The following ZFHX3 variants were observed in gnomAD, a reference collection of about 807,000 sequenced individuals.
ZFHX3 encodes zinc finger homeobox protein 3.
ZFHX3 carries 42 observed loss-of-function variants against 279.1 expected under a neutral mutation model. The observed-to-expected ratio is 0.15, with a 90% CI of 0.12 to 0.19. ZFHX3 has a LOEUF of 0.19. Among genes scored for constraint, ZFHX3 ranks in the 10% least tolerant of loss-of-function variants. The pLI is 1.00. For synonymous variants in ZFHX3, 2,293 were observed against 1,957.8 expected (o/e 1.17, Z -4.52); for missense variants, 4,981 against 4,754.0 (o/e 1.05, Z -1.40).
chr16:73,566,672 CA>C (rs2020454723), intron 2 of ZFHX3, among the ~76,000 whole-genome samples: 1 of 150,704 alleles, frequency 6.6e-6, no homozygotes, highest in Admixed American at 6.6e-5. Context: ...AGGTGCAGAC[CA>C]TCACACCAAG....
At chr16:73,080,496 C>T (rs1226802632) in intron 8 of ZFHX3, among the ~76,000 whole-genome samples, 1 of 152,144 alleles carries the variant, frequency 6.6e-6, no homozygotes, top group Non-Finnish European at 1.5e-5. Context: ...GATTCTTGGT[C>T]CACACCTCAA....
At chr16:73,561,828 A>T (rs1392033607) in intron 2 of ZFHX3, among the ~76,000 whole-genome samples, 1 of 152,110 alleles carries the variant, frequency 6.6e-6, no homozygotes, top group African/African-American at 2.4e-5. Context: ...CCGGGCCCTC[A>T]TAGTGTATTT....
intron 5 of ZFHX3, among the ~76,000 whole-genome samples, chr16:73,202,194 T>G (rs2011629618): frequency 6.6e-6 from 1 of 152,198 alleles, no homozygotes; most frequent in South Asian, 2.1e-4. Flanking sequence ...CTTGTTAGAA[T>G]TCATAAATGT....
chr16:73,521,755 G>A (rs2019612244), intron 2 of ZFHX3, among the ~76,000 whole-genome samples: 1 of 151,926 alleles, frequency 6.6e-6, no homozygotes, highest in East Asian at 1.9e-4. Context: ...TTATTAAAAT[G>A]AATTTTAGTA....
chr16:72,991,430 C>G (rs993635112), intron 1 of ZFHX3, among the ~76,000 whole-genome samples: 2 of 152,162 alleles, frequency 1.3e-5, no homozygotes, highest in Non-Finnish European at 2.9e-5. Flanking sequence ...GAGCTGGCAT[C>G]CCAGCGCAGA....
At chr16:73,078,131 T>G (rs1965906822) in intron 8 of ZFHX3, among the ~76,000 whole-genome samples, 1 of 152,114 alleles carries the variant, frequency 6.6e-6, no homozygotes, top group African/African-American at 2.4e-5. Flanking sequence ...ATAAACACAT[T>G]GAAAATCCAC....
At chr16:73,534,113 G>A (rs537732187) in intron 2 of ZFHX3, among the ~76,000 whole-genome samples, 40 of 152,136 alleles carry the variant, frequency 2.6e-4, no homozygotes, top group African/African-American at 9.6e-4. Flanking sequence ...GGCCTGCAAG[G>A]TGATCTAACA....
At chr16:73,412,473 G>A (rs2017490533) in intron 3 of ZFHX3, among the ~76,000 whole-genome samples, 1 of 151,572 alleles carries the variant, frequency 6.6e-6, no homozygotes, top group African/African-American at 2.4e-5. Context: ...TGTTCTTTGT[G>A]CTTCCCTCAT....
intron 4 of ZFHX3, among the ~76,000 whole-genome samples, chr16:72,856,478 C>T (rs961064258): frequency 2.0e-4 from 30 of 152,170 alleles, no homozygotes; most frequent in Non-Finnish European, 2.9e-4. Context: ...AAGAGGGATA[C>T]GCAGGAGCTT....
chr16:73,074,573 T>C (rs951830203), intron 8 of ZFHX3, among the ~76,000 whole-genome samples: 41 of 152,060 alleles, frequency 2.7e-4, no homozygotes, highest in African/African-American at 9.9e-4. Context: ...GAGAGGATAA[T>C]GAGAATGATA....
chr16:73,526,390 T>C (rs2019696141), intron 2 of ZFHX3, among the ~76,000 whole-genome samples: 1 of 152,212 alleles, frequency 6.6e-6, no homozygotes, highest in Admixed American at 6.5e-5. Context: ...GGGCCAAGTC[T>C]TGAGCGTAAG....
At chr16:72,957,381 G>C in intron 2 of ZFHX3, 46 bp downstream of exon 2, 2 of 1,550,114 alleles carry the variant, frequency 1.3e-6, no homozygotes, top group Non-Finnish European at 1.7e-6. Flanking sequence ...ATTCTCCCTG[G>C]TTAAACTCCT....
intron 7 of ZFHX3, among the ~76,000 whole-genome samples, chr16:73,101,913 CT>C (rs34658877): frequency 0.36 from 41,240 of 116,098 alleles, 6,426 homozygotes; most frequent in African/African-American, 0.46. Context: ...ATTCTCACCT[CT>C]TTTTTTTTTT....
At chr16:73,039,687 G>A (rs1965041958) in intron 1 of ZFHX3, among the ~76,000 whole-genome samples, 1 of 152,130 alleles carries the variant, frequency 6.6e-6, no homozygotes, top group Admixed American at 6.6e-5. Context: ...ATCCACCCAA[G>A]TATCTCTTTT....
Position 73,362,164 on chromosome 16 carries a change from T to C in ZFHX3, c.-1290-43828A>G, listed in dbSNP as rs189540918. The stretch of plus-strand genomic sequence containing the variant: ...TGCCAACCCCCACCCAGTACCTCTG[T>C]TCCCTGCTACATTCCCTACGTAAGG... On this transcript the variant is annotated intron_variant, in intron 3 of 17. Coordinates refer to the ZFHX3 transcript ENST00000641206. Among the ~76,000 whole-genome samples, 44 of 152,294 alleles carry C rather than the reference T, an allele frequency of 2.9e-4. 2 individuals carry two copies. In the East Asian group the frequency reaches 7.9e-3, roughly 27 times the overall value.
In ZFHX3 at chr16:72,798,576, T is replaced by C. The variant is rs2035993314; in HGVS notation, c.4106A>G (p.Gln1369Arg). The change falls in exon 9 of 10, where the codon CAG becomes CGG. Residue 1369 changes from glutamine (Q) to arginine (R), a missense_variant. Gln to Arg is a conservative substitution (Grantham distance 43). Around this residue, in one of 7 missense-constraint regions of ZFHX3, gnomAD observed 1,751 missense variants for 1,770.0 expected, o/e 0.99. Coordinates refer to ENST00000268489, the MANE Select transcript of ZFHX3 (RefSeq NM_006885.4). ...GFICWKKGCN[Q>R]VFKTSAALQT... ...AAGGGCAGCAGAAGTTTTGAAAACC[T>C]GGTTGCACCCCTTCTTCCAGCAGAT... 1.9e-6 allele frequency: 3 copies of C among 1,614,196 alleles called. No individual in the cohort carries two copies. Among genetic ancestry groups the C allele is most frequent in the Non-Finnish European group, 2.5e-6 (3 of 1,180,028 alleles).
At chr16:73,026,780 T>C (rs909180178) in intron 1 of ZFHX3, among the ~76,000 whole-genome samples, 5 of 152,130 alleles carry the variant, frequency 3.3e-5, no homozygotes, top group Admixed American at 1.3e-4. Context: ...TCCATTTTTA[T>C]TTGACTCCCA....
intron 4 of ZFHX3, among the ~76,000 whole-genome samples, chr16:72,866,659 A>G (rs2038031630): frequency 6.6e-6 from 1 of 152,218 alleles, no homozygotes; most frequent in Non-Finnish European, 1.5e-5. Context: ...AAAGAAATAC[A>G]AGAGTTGAGG....
chr16:73,026,454 C>G (rs1043269711), intron 1 of ZFHX3, among the ~76,000 whole-genome samples: 2 of 151,792 alleles, frequency 1.3e-5, no homozygotes, highest in African/African-American at 4.8e-5. Flanking sequence ...GGTGGATCAC[C>G]TGAGGTTAGG....
Sources: allele counts gnomAD v4.1 joint callset (sites outside exome capture counted in the v4.1 genomes callset), GRCh38; gene constraint gnomAD v4.1.1; regional missense constraint gnomAD v4.1.1; transcripts MANE v1.5; gene names NCBI Gene and HGNC (gene_info 2026-07-23, HGNC 2026-07-21).